C12orf42: variants seen among roughly 807,000 people sequenced by gnomAD.
C12orf42 encodes chromosome 12 open reading frame 42, also known as uncharacterized protein C12orf42.
C12orf42 carries 25 observed loss-of-function variants against 21.6 expected under a neutral mutation model. The observed-to-expected ratio is 1.16, with a 90% CI of 0.84 to 1.62. C12orf42 has a LOEUF of 1.62. C12orf42 is among the 40% of genes most tolerant of loss of function. The pLI is 0.00. For synonymous variants in C12orf42, 174 were observed against 175.0 expected (o/e 0.99, Z 0.05); for missense variants, 483 against 459.3 (o/e 1.05, Z -0.47).
At chr12:103,245,600 A>G (rs2033971551) in intron 10 of C12orf42, among the ~76,000 whole-genome samples, 1 of 152,134 alleles carries the variant, frequency 6.6e-6, no homozygotes, top group Non-Finnish European at 1.5e-5. Context: ...GATATTGATT[A>G]TTATTTCTCA....
chr12:103,323,701 G>A (rs1472592448), intron 4 of C12orf42, among the ~76,000 whole-genome samples: 2 of 152,140 alleles, frequency 1.3e-5, no homozygotes, highest in East Asian at 3.9e-4. Context: ...TTACATTTGT[G>A]TGAGAGTATA....
chr12:103,501,572 T>C, the C12orf42 span, among the ~76,000 whole-genome samples: 1 of 152,352 alleles, frequency 6.6e-6, no homozygotes, highest in South Asian at 2.1e-4. Context: ...TGTCATATTT[T>C]CCTGTTGCTT....
At chr12:103,245,035 CA>C (rs1255102818) in intron 10 of C12orf42, among the ~76,000 whole-genome samples, 8 of 151,952 alleles carry the variant, frequency 5.3e-5, no homozygotes, top group Admixed American at 1.3e-4. Flanking sequence ...CTATTTTCAC[CA>C]AGCATCAGGA....
chr12:103,239,865 A>C (rs557090937), intron 10 of C12orf42, among the ~76,000 whole-genome samples: 19 of 152,286 alleles, frequency 1.2e-4, no homozygotes, highest in Non-Finnish European at 1.9e-4. Context: ...ACTAGAGACA[A>C]AGTGCTCCTG....
downstream of C12orf42, among the ~76,000 whole-genome samples, chr12:103,301,451 T>C (rs1476911523): frequency 1.3e-5 from 2 of 152,216 alleles, no homozygotes; most frequent in Non-Finnish European, 2.9e-5. Flanking sequence ...ATAAAAGGTA[T>C]TGCCTAAAAT....
At chr12:103,269,462 T>C (rs897493088) in intron 6 of C12orf42, among the ~76,000 whole-genome samples, 3 of 152,288 alleles carry the variant, frequency 2.0e-5, no homozygotes, top group Non-Finnish European at 2.9e-5. Flanking sequence ...ACAGTCATGA[T>C]CATAATAATG....
At chr12:103,139,096 C>T in the C12orf42 span, among the ~76,000 whole-genome samples, 1 of 152,152 alleles carries the variant, frequency 6.6e-6, no homozygotes, top group East Asian at 1.9e-4. Flanking sequence ...GAATATCATA[C>T]TTTACTAACA....
chr12:103,122,279 T>C, the C12orf42 span, among the ~76,000 whole-genome samples: 1 of 152,370 alleles, frequency 6.6e-6, no homozygotes, highest in East Asian at 1.9e-4. Flanking sequence ...GTAGGGTTCA[T>C]GGCCAATGCA....
chr12:103,364,265 C>A (rs935931550), intron 4 of C12orf42, among the ~76,000 whole-genome samples: 1 of 151,834 alleles, frequency 6.6e-6, no homozygotes, highest in Non-Finnish European at 1.5e-5. Flanking sequence ...ACAACGAAAT[C>A]GATAGAAATT....
chr12:103,296,023 C>T (rs1433897075), intron 4 of C12orf42, among the ~76,000 whole-genome samples: 17 of 118,202 alleles, frequency 1.4e-4, no homozygotes, highest in Non-Finnish European at 2.5e-4. Context: ...CTCCCCCCAC[C>T]CCACAACAGG....
chr12:103,153,501 G>A, the C12orf42 span, among the ~76,000 whole-genome samples: 2 of 152,002 alleles, frequency 1.3e-5, no homozygotes, highest in African/African-American at 4.8e-5. Context: ...ATTCCCAATA[G>A]AAAAAGAAAC....
chr12:103,115,689 A>G, the C12orf42 span, among the ~76,000 whole-genome samples: 2 of 152,246 alleles, frequency 1.3e-5, no homozygotes, highest in Non-Finnish European at 2.9e-5. Flanking sequence ...ATTTAAGAAC[A>G]TAGATATTTA....
At chr12:103,294,486 C>CAAGCAAGCAAGA (rs1555245981) in intron 4 of C12orf42, among the ~76,000 whole-genome samples, 30 of 94,812 alleles carry the variant, frequency 3.2e-4, no homozygotes, top group African/African-American at 1.1e-3. Flanking sequence ...AGCAAGCAAG[C>CAAGCAAGCAAGA]AAGAAAGAAA....
At chr12:103,149,897 G>T in the C12orf42 span, among the ~76,000 whole-genome samples, 1 of 152,110 alleles carries the variant, frequency 6.6e-6, no homozygotes. Flanking sequence ...TTCCTTGATT[G>T]AAGAAGCATC....
At chr12:103,144,644 A>G in the C12orf42 span, among the ~76,000 whole-genome samples, 1 of 152,182 alleles carries the variant, frequency 6.6e-6, no homozygotes, top group Non-Finnish European at 1.5e-5. Context: ...GTCCTTGTAA[A>G]TGATGCTAAA....
intron 2 of C12orf42, among the ~76,000 whole-genome samples, chr12:103,427,369 A>G (rs1170218740): frequency 6.6e-6 from 1 of 152,144 alleles, no homozygotes; most frequent in Non-Finnish European, 1.5e-5. Context: ...GATTAAAAAA[A>G]AAAAAACAAG....
chr12:103,400,246 A>T (rs1439284089), intron 3 of C12orf42, among the ~76,000 whole-genome samples: 1 of 152,192 alleles, frequency 6.6e-6, no homozygotes, highest in East Asian at 1.9e-4. Flanking sequence ...AAGGAGTGGC[A>T]CCCAGGGGGC....
At chr12:103,083,932 C>T in the C12orf42 span, among the ~76,000 whole-genome samples, 8,605 of 152,208 alleles carry the variant, frequency 0.057, 554 homozygotes, top group African/African-American at 0.16. Flanking sequence ...CATCAACAGC[C>T]TGTTGGAAAA....
At chr12:103,186,785 C>A in the C12orf42 span, among the ~76,000 whole-genome samples, 96 of 152,244 alleles carry the variant, frequency 6.3e-4, no homozygotes, top group African/African-American at 2.2e-3. Context: ...TATCTTCCAC[C>A]AGTCTACTCC....
Sources: gnomAD v4.1 joint callset for allele counts (sites outside exome capture counted in the v4.1 genomes callset) on GRCh38, gnomAD v4.1.1 for gene constraint, MANE v1.5 for transcripts, NCBI Gene and HGNC (gene_info 2026-07-23, HGNC 2026-07-21) for gene names.